The following FOXP2 variants were observed in gnomAD, a reference collection of about 807,000 sequenced individuals.
The protein encoded by FOXP2 is forkhead box protein P2.
Under a neutral mutation model 115.8 loss-of-function variants are expected in FOXP2, and 12 were observed. That is an observed-to-expected ratio of 0.10 (90% confidence interval 0.07 to 0.17). The LOEUF is 0.17. Among genes scored for constraint, FOXP2 ranks in the 10% least tolerant of loss-of-function variants. The pLI is 1.00. For missense variants in FOXP2, 629 were observed against 843.5 expected, an observed-to-expected ratio of 0.75 and a Z score of 3.15; for synonymous variants, 328 against 297.7, an observed-to-expected ratio of 1.10 and a Z score of -1.05.
At chr7:114,524,632 G>C (rs1157959304) in intron 2 of FOXP2, among the ~76,000 whole-genome samples, 11 of 152,058 alleles carry the variant, frequency 7.2e-5, no homozygotes, top group Non-Finnish European at 1.3e-4. Context: ...AGGGTGTTTT[G>C]AGGATTAAAT....
At chr7:114,118,333 A>T (rs536130127) in intron 1 of FOXP2, among the ~76,000 whole-genome samples, 2 of 152,142 alleles carry the variant, frequency 1.3e-5, no homozygotes, top group African/African-American at 4.8e-5. Context: ...TGATTTTCAA[A>T]ATGGGAAATA....
chr7:114,686,062 T>G (rs1045574166), intron 16 of FOXP2, among the ~76,000 whole-genome samples: 1 of 152,072 alleles, frequency 6.6e-6, no homozygotes, highest in African/African-American at 2.4e-5. Context: ...TATTAAACTT[T>G]TTGCCCCATC....
intron 2 of FOXP2, among the ~76,000 whole-genome samples, chr7:114,520,336 A>G (rs1252596113): frequency 6.6e-6 from 1 of 152,128 alleles, no homozygotes; most frequent in African/African-American, 2.4e-5. Context: ...TTGAATAACT[A>G]GTTTTAAAGA....
chr7:114,515,251 T>C (rs1283823033), intron 2 of FOXP2, among the ~76,000 whole-genome samples: 1 of 150,366 alleles, frequency 6.7e-6, no homozygotes, highest in Admixed American at 6.6e-5. Context: ...GATGGCTGGG[T>C]CAAATGGTAT....
chr7:114,095,412 C>T (rs771686650), intron 1 of FOXP2, among the ~76,000 whole-genome samples: 4 of 151,750 alleles, frequency 2.6e-5, no homozygotes, highest in Non-Finnish European at 4.4e-5. Context: ...ACCACAGTCA[C>T]TTTGCTAGTG....
chr7:114,114,664 A>G (rs919136918), intron 1 of FOXP2, among the ~76,000 whole-genome samples: 15 of 152,144 alleles, frequency 9.9e-5, no homozygotes, highest in Non-Finnish European at 2.1e-4. Context: ...GTTGGAATGT[A>G]AAATATTGCT....
chr7:114,305,933 T>A (rs182098630), intron 2 of FOXP2, among the ~76,000 whole-genome samples: 1 of 72,970 alleles, frequency 1.4e-5, no homozygotes, highest in African/African-American at 2.9e-5. Flanking sequence ...TAACCACTTA[T>A]AAATACTGTC....
intron 1 of FOXP2, among the ~76,000 whole-genome samples, chr7:114,415,887 T>A (rs1030963768): frequency 6.6e-6 from 1 of 151,994 alleles, no homozygotes; most frequent in Admixed American, 6.6e-5. Context: ...TCAGATGATC[T>A]TTGTAGTTTT....
intron 1 of FOXP2, among the ~76,000 whole-genome samples, chr7:114,128,417 A>C (rs1791779312): frequency 6.6e-6 from 1 of 151,022 alleles, no homozygotes; most frequent in African/African-American, 2.4e-5. Context: ...TCCCTTTTTA[A>C]ATTTCTTTTT....
chr7:114,564,764 C>T (rs545524097), intron 3 of FOXP2, among the ~76,000 whole-genome samples: 2 of 151,482 alleles, frequency 1.3e-5, no homozygotes, highest in East Asian at 3.9e-4. Context: ...ACTTGTAGTC[C>T]CAGCTACTCA....
intron 2 of FOXP2, among the ~76,000 whole-genome samples, chr7:114,299,016 A>G (rs1464510281): frequency 6.6e-6 from 1 of 152,184 alleles, no homozygotes; most frequent in Admixed American, 6.6e-5. Flanking sequence ...GGATTGTTTC[A>G]TATACTTTAA....
intron 2 of FOXP2, among the ~76,000 whole-genome samples, chr7:114,364,822 A>C (rs1449106201): frequency 6.6e-6 from 1 of 152,172 alleles, no homozygotes; most frequent in Non-Finnish European, 1.5e-5. Flanking sequence ...AATCAAGCAC[A>C]TAATCTTTGG....
chr7:114,127,876 A>G (rs559517480), intron 1 of FOXP2, among the ~76,000 whole-genome samples: 1 of 152,288 alleles, frequency 6.6e-6, no homozygotes, highest in Non-Finnish European at 1.5e-5. Context: ...TACACTAGCT[A>G]TACGTTTGTA....
chr7:114,250,176 T>TTCTTAATCCAGTCTA (rs1795402879), intron 1 of FOXP2, among the ~76,000 whole-genome samples: 1 of 152,154 alleles, frequency 6.6e-6, no homozygotes, highest in Middle Eastern at 3.2e-3. Context: ...GTGCCACATT[T>TTCTTAATCCAGTCTA]TCTTAATCCA....
chr7:114,425,539 A>G (rs889663575), intron 1 of FOXP2, among the ~76,000 whole-genome samples: 2 of 151,652 alleles, frequency 1.3e-5, no homozygotes, highest in Admixed American at 1.3e-4. Context: ...TCTCATTGCT[A>G]TCCTGAAAGT....
chr7:114,524,471 T>C (rs1467580339), intron 2 of FOXP2, among the ~76,000 whole-genome samples: 1 of 152,082 alleles, frequency 6.6e-6, no homozygotes, highest in East Asian at 1.9e-4. Flanking sequence ...TTATATAATT[T>C]TCCTGACTAC....
intron 3 of FOXP2, among the ~76,000 whole-genome samples, chr7:114,591,143 C>G (rs1037324429): frequency 6.6e-6 from 1 of 152,042 alleles, no homozygotes; most frequent in African/African-American, 2.4e-5. Context: ...AAGTTAAAGT[C>G]CATTAAACTC....
chr7:114,406,396 G>A (rs529625932), intron 2 of FOXP2, among the ~76,000 whole-genome samples: 12 of 151,868 alleles, frequency 7.9e-5, no homozygotes, highest in African/African-American at 2.7e-4. Context: ...TACAAGTTTC[G>A]TATTTGTTGT....
intron 2 of FOXP2, among the ~76,000 whole-genome samples, chr7:114,481,812 A>ATCTATC (rs1562952222): frequency 3.2e-5 from 4 of 125,134 alleles, no homozygotes; most frequent in Admixed American, 8.0e-5. Context: ...ATCTATCTAT[A>ATCTATC]TATCTATCTA....
Sources: allele counts gnomAD v4.1 joint callset (sites outside exome capture counted in the v4.1 genomes callset), GRCh38; gene constraint gnomAD v4.1.1; transcripts MANE v1.5; gene names NCBI Gene and HGNC (gene_info 2026-07-23, HGNC 2026-07-21).